Variants in GDI2 observed in about 807,000 individuals in gnomAD.
GDI2 encodes the protein GDP dissociation inhibitor 2, also known as rab GDP dissociation inhibitor beta.
In GDI2, 22 loss-of-function variants were observed where a neutral mutation model predicts 54.2. The ratio of observed to expected loss-of-function variants is 0.41; its 90% CI spans 0.29 to 0.58. The LOEUF (loss-of-function observed/expected upper bound fraction) is 0.58, where lower values mean the gene tolerates loss of function less well. Among genes scored for constraint, GDI2 ranks in the 20% least tolerant of loss-of-function variants. The pLI is 0.35. For missense variants in GDI2, 422 were observed against 546.0 expected (o/e 0.77, Z 2.26); for synonymous variants, 177 against 182.1 (o/e 0.97, Z 0.23).
chr10:5,765,973 T>C lies in GDI2; in HGVS notation c.*33A>G, dbSNP rs780815642. On this transcript the variant is annotated 3_prime_UTR_variant, in exon 11 of 11. Transcript: ENST00000380191. ...TATGCATTATTTGCCAAATTTTAAATGTGTCCTAATTACATAATAACATGT... is the reference window on the plus strand; with the variant it reads ...TATGCATTATTTGCCAAATTTTAAACGTGTCCTAATTACATAATAACATGT... 11 of 1,515,828 alleles carry C rather than the reference T, an allele frequency of 7.3e-6. No individual in the cohort carries two copies. The highest frequency in any genetic ancestry group is 2.3e-5 in the Admixed American group (1 of 43,164). 93.9% of individuals were successfully genotyped at this position (1,515,828 alleles called of 1,614,324 possible). A position where few individuals can be genotyped will look rare whatever the true frequency, so the allele number is the denominator to read the frequency against.
chr10:5,775,912 G>C (rs1403815463), intron 6 of GDI2, among the ~76,000 whole-genome samples: 1 of 152,168 alleles, frequency 6.6e-6, no homozygotes, highest in African/African-American at 2.4e-5. Flanking sequence ...TGGTGAGGTT[G>C]TTGCTCCCTC....
chr10:5,766,729 G>T lies in GDI2; in HGVS notation c.992-91C>A. On this transcript the variant is annotated intron_variant, in intron 8 of 10. Coordinates refer to ENST00000380191, the MANE Select transcript of GDI2 (RefSeq NM_001494.4). The surrounding 1 kb of genome is among the most constrained non-coding windows in gnomAD (Gnocchi z 5.8). ...ATCACCCATATGTCATGAGGTGTGAGTTAAAATTACTCTCAATAGGCAAGA... is the reference window on the plus strand; with the variant it reads ...ATCACCCATATGTCATGAGGTGTGATTTAAAATTACTCTCAATAGGCAAGA... 9.9e-7 allele frequency: 1 copy of T among 1,011,066 alleles called. No homozygotes were observed. The highest frequency in any genetic ancestry group is 1.5e-6 in the Non-Finnish European group (1 of 658,736). The allele number at this position is 1,011,066 out of a possible 1,614,324, so 62.6% of individuals were successfully genotyped here. A position where few individuals can be genotyped will look rare whatever the true frequency, so the allele number is the denominator to read the frequency against.
At chr10:5,788,815 C>T (rs548142918) in intron 4 of GDI2, among the ~76,000 whole-genome samples, 27 of 151,824 alleles carry the variant, frequency 1.8e-4, no homozygotes, top group Non-Finnish European at 3.1e-4. Context: ...GGCTAGAGTG[C>T]GCAGTGGCGC....
intron 6 of GDI2, among the ~76,000 whole-genome samples, chr10:5,780,384 C>G (rs1431018024): frequency 6.6e-6 from 1 of 151,284 alleles, no homozygotes; most frequent in Non-Finnish European, 1.5e-5. Flanking sequence ...GACGTCCATT[C>G]TCATCCCTGC....
chr10:5,781,423 C>G (rs1038787613), intron 6 of GDI2, among the ~76,000 whole-genome samples: 1 of 150,068 alleles, frequency 6.7e-6, no homozygotes, highest in Admixed American at 6.6e-5. Flanking sequence ...GTCAGCAGAT[C>G]GACACCATCC....
At chr10:5,777,233 A>C (rs1840644414) in intron 6 of GDI2, among the ~76,000 whole-genome samples, 1 of 152,130 alleles carries the variant, frequency 6.6e-6, no homozygotes, top group Admixed American at 6.5e-5. Flanking sequence ...AGCACTTTGA[A>C]AGGCCGAGGC....
Position 5,776,647 on chromosome 10 carries a change from G to T in GDI2, c.720-2706C>A. On this transcript the variant is annotated intron_variant, in intron 6 of 10. Coordinates refer to ENST00000380191, the MANE Select transcript of GDI2 (RefSeq NM_001494.4). The surrounding 1 kb of genome is among the most constrained non-coding windows in gnomAD (Gnocchi z 5.3). ...TAAATGGTCCAATAGAAAAGGAGCT[G>T]GATGTAGATGCTGATTTTGTAGAAA... 1 of 1,475,670 alleles carries T rather than the reference G, an allele frequency of 6.8e-7. No homozygotes were observed. Among genetic ancestry groups the T allele is most frequent in the East Asian group, 2.3e-5 (1 of 44,058 alleles). The allele number at this position is 1,475,670 out of a possible 1,614,324, so 91.4% of individuals were successfully genotyped here.
intron 1 of GDI2, among the ~76,000 whole-genome samples, chr10:5,810,548 G>C (rs1841463205): frequency 6.6e-6 from 1 of 152,218 alleles, no homozygotes; most frequent in African/African-American, 2.4e-5. Context: ...CAGCCTGAGA[G>C]TAAAGGGGGC....
chr10:5,799,759 T>C (rs1410196823), intron 2 of GDI2, among the ~76,000 whole-genome samples: 2 of 152,240 alleles, frequency 1.3e-5, no homozygotes, highest in Non-Finnish European at 2.9e-5. Flanking sequence ...GGATATGATA[T>C]AATGGTATTA....
At chr10:5,778,276 T>A (rs1840671331) in intron 6 of GDI2, among the ~76,000 whole-genome samples, 2 of 152,168 alleles carry the variant, frequency 1.3e-5, no homozygotes, top group South Asian at 2.1e-4. Flanking sequence ...ACTTAAAGTA[T>A]AATTTAAAAA....
At chr10:5,794,825 A>T in intron 4 of GDI2, 60 bp downstream of exon 4, 1 of 1,160,584 alleles carries the variant, frequency 8.6e-7, no homozygotes, top group South Asian at 1.3e-5. Flanking sequence ...CTTTTCCAGT[A>T]TAAAATCTCA....
At chr10:5,780,857 A>G (rs561307269) in intron 6 of GDI2, among the ~76,000 whole-genome samples, 48 of 152,324 alleles carry the variant, frequency 3.2e-4, no homozygotes, top group Non-Finnish European at 4.7e-4. Context: ...ATTTAACTCA[A>G]TATCAAAATC....
intron 7 of GDI2, 54 bp downstream of exon 7, chr10:5,773,788 C>T (rs1840551928): frequency 1.3e-6 from 1 of 799,964 alleles, no homozygotes; most frequent in Non-Finnish European, 2.2e-6. Flanking sequence ...ATTTAGAATA[C>T]ACAACTTTCT....
At chr10:5,810,439 A>G (rs1411235110) in intron 1 of GDI2, among the ~76,000 whole-genome samples, 5 of 152,378 alleles carry the variant, frequency 3.3e-5, no homozygotes, top group African/African-American at 9.6e-5. Flanking sequence ...CTGCCTACAC[A>G]TGCTGAAAGC....
intron 1 of GDI2, among the ~76,000 whole-genome samples, chr10:5,804,250 C>T (rs1222211426): frequency 2.0e-5 from 3 of 152,066 alleles, no homozygotes; most frequent in African/African-American, 4.8e-5. Flanking sequence ...TGCACCATCA[C>T]GCCTGGCTAA....
Position 5,766,133 on chromosome 10 carries a change from T to C in GDI2, c.1211A>G (p.Tyr404Cys), listed in dbSNP as rs1840323318. The C allele has an allele frequency of 1.9e-6, 3 of 1,613,582 alleles. No homozygotes were observed. Among genetic ancestry groups the C allele is most frequent in the Admixed American group, 1.7e-5 (1 of 59,982 alleles). Residue 404 changes from tyrosine (Y) to cysteine (C), a missense_variant, in exon 11 of 11, where the codon TAT (tyrosine) becomes TGT (cysteine). By Grantham distance (194) the Tyr-to-Cys change is radical. Coordinates refer to ENST00000380191, the MANE Select transcript of GDI2 (RefSeq NM_001494.4). This position sits in a 1 kb window ranked among gnomAD's most constrained non-coding sequence, Gnocchi z 5.8. ...TESQIFISRT[Y>C]DATTHFETTC... ...TGTCTCAAAATGAGTGGTGGCATCA[T>C]ATGTGCGGGAAATAAAGATCTGAAA... is the stretch of plus-strand genomic sequence containing the variant.
chr10:5,782,109 T>C (rs763991601), intron 6 of GDI2, among the ~76,000 whole-genome samples: 28 of 152,294 alleles, frequency 1.8e-4, no homozygotes, highest in Non-Finnish European at 1.3e-4. Flanking sequence ...GCCACCATCA[T>C]ACACCAAGAT....
chr10:5,805,489 TC>T (rs1841358237), intron 1 of GDI2, among the ~76,000 whole-genome samples: 1 of 151,478 alleles, frequency 6.6e-6, no homozygotes. Flanking sequence ...CAAGAGATCC[TC>T]TAACCTCAGC....
At chr10:5,806,205 A>G (rs1841377255) in intron 1 of GDI2, among the ~76,000 whole-genome samples, 1 of 152,196 alleles carries the variant, frequency 6.6e-6, no homozygotes, top group Non-Finnish European at 1.5e-5. Context: ...TTTTAATTTT[A>G]GCCATTCTAG....
Sources: allele counts gnomAD v4.1 joint callset (sites outside exome capture counted in the v4.1 genomes callset), GRCh38; gene constraint gnomAD v4.1.1; non-coding constraint Gnocchi (gnomAD v3.1); transcripts MANE v1.5; gene names NCBI Gene and HGNC (gene_info 2026-07-23, HGNC 2026-07-21).